The following ATF1 variants were observed in gnomAD, a reference collection of about 807,000 sequenced individuals.
ATF1 encodes activating transcription factor 1.
ATF1 carries 16 observed loss-of-function variants against 34.7 expected under a neutral mutation model. That is an observed-to-expected ratio of 0.46 (90% CI 0.31 to 0.70). ATF1 has a LOEUF of 0.70. ATF1 is among the 30% of genes least tolerant of loss of function. The pLI, the probability that ATF1 is intolerant of heterozygous loss-of-function variation, is 0.05. For synonymous variants in ATF1, 105 were observed against 113.1 expected, an observed-to-expected ratio of 0.93 and a Z score of 0.46; for missense variants, 255 against 321.6, an observed-to-expected ratio of 0.79 and a Z score of 1.58.
At chr12:50,787,584 A>G (rs930803249) in intron 2 of ATF1, among the ~76,000 whole-genome samples, 2 of 146,754 alleles carry the variant, frequency 1.4e-5, no homozygotes, top group African/African-American at 2.5e-5. Flanking sequence ...AATACAAAAG[A>G]AAAAAAAAAA....
chr12:50,768,081 C>T (rs1940683078), intron 1 of ATF1, among the ~76,000 whole-genome samples: 1 of 152,108 alleles, frequency 6.6e-6, no homozygotes, highest in Non-Finnish European at 1.5e-5. Flanking sequence ...TCATATTGGG[C>T]AGGCTGGTCT....
intron 3 of ATF1, among the ~76,000 whole-genome samples, 169 bp from the exon 4 acceptor site, chr12:50,809,285 ACT>A (rs1280683228): frequency 3.4e-5 from 5 of 148,344 alleles, no homozygotes; most frequent in South Asian, 4.2e-4. Flanking sequence ...GGGGCACAAG[ACT>A]CTCTTAAGCC....
chr12:50,806,236 G>A (rs747569342), intron 3 of ATF1: 5 of 180,776 alleles, frequency 2.8e-5, no homozygotes, highest in Non-Finnish European at 5.0e-5. Context: ...CAGACCAAAG[G>A]TCATTTTCAG....
chr12:50,772,696 T>C (rs376772783), intron 1 of ATF1, among the ~76,000 whole-genome samples: 26 of 151,764 alleles, frequency 1.7e-4, no homozygotes, highest in Non-Finnish European at 2.4e-4. Context: ...CTCTCTCTCT[T>C]TTATTTTAAG....
At chr12:50,811,340 C>T (rs947813565) in intron 4 of ATF1, among the ~76,000 whole-genome samples, 3 of 152,136 alleles carry the variant, frequency 2.0e-5, no homozygotes, top group Admixed American at 2.0e-4. Flanking sequence ...TATTCATGAT[C>T]TGTTTTCCCC....
intron 3 of ATF1, among the ~76,000 whole-genome samples, chr12:50,803,098 T>TAA (rs746106904): frequency 0.011 from 1,532 of 141,054 alleles, 30 homozygotes; most frequent in African/African-American, 0.038. Context: ...CCGTCTCTAC[T>TAA]AAAAAAAAAA....
intron 2 of ATF1, among the ~76,000 whole-genome samples, chr12:50,780,564 C>T (rs1230409544): frequency 2.6e-5 from 4 of 151,166 alleles, no homozygotes; most frequent in African/African-American, 7.3e-5. Flanking sequence ...AGGCTGGTCT[C>T]GAACTCCTGA....
At chr12:50,819,399 A>G (rs1326015797) in intron 6 of ATF1, among the ~76,000 whole-genome samples, 1 of 152,182 alleles carries the variant, frequency 6.6e-6, no homozygotes, top group Non-Finnish European at 1.5e-5. Flanking sequence ...AAGGGGCATG[A>G]GGGAACTTTC....
chr12:50,808,453 C>T (rs375977416), intron 3 of ATF1, among the ~76,000 whole-genome samples: 4 of 151,732 alleles, frequency 2.6e-5, no homozygotes, highest in African/African-American at 9.7e-5. Flanking sequence ...CTCAGCCCCC[C>T]GAGTAGCTGG....
Position 50,795,940 on chromosome 12 carries a change from A to G in ATF1, c.125A>G (p.Gln42Arg). The G allele has an allele frequency of 6.2e-7, 1 of 1,613,278 alleles. No individual in the cohort carries two copies. The highest frequency in any genetic ancestry group is 8.5e-7 in the Non-Finnish European group (1 of 1,179,720). The change falls in exon 3 of 7, where the codon CAG (glutamine) becomes CGG (arginine). Residue 42 changes from glutamine to arginine, a missense_variant. Physicochemically the swap from Gln to Arg is conservative, Grantham distance 43. This residue lies in a region of ATF1 where 221 missense variants were observed against 250.7 expected (regional missense o/e 0.88). Transcript: ENST00000262053. ...VSSLSESEESQDSSDSIGSSQ... is the reference protein window; with the variant it reads ...VSSLSESEESRDSSDSIGSSQ... The stretch of plus-strand genomic sequence containing the variant: ...TCTTTATCAGAAAGTGAGGAGTCCC[A>G]GGACTCATCCGACAGCATAGGCTCC...
intron 2 of ATF1, among the ~76,000 whole-genome samples, chr12:50,785,847 G>A (rs1361664326): frequency 6.6e-6 from 1 of 152,176 alleles, no homozygotes; most frequent in East Asian, 1.9e-4. Context: ...TTCAAGTCCA[G>A]CAGGAGAGTG....
At chr12:50,805,544 T>A (rs1941597686) in intron 3 of ATF1, among the ~76,000 whole-genome samples, 1 of 132,346 alleles carries the variant, frequency 7.6e-6, no homozygotes, top group South Asian at 2.3e-4. Context: ...GGTGACAGAG[T>A]GAGACCCTGT....
chr12:50,782,124 T>C (rs1465391631), intron 2 of ATF1, among the ~76,000 whole-genome samples: 1 of 152,174 alleles, frequency 6.6e-6, no homozygotes, highest in Non-Finnish European at 1.5e-5. Context: ...TCTTTTCTAA[T>C]TGCATATCTA....
chr12:50,816,641 C>A (rs971122024), intron 6 of ATF1, among the ~76,000 whole-genome samples: 8 of 152,052 alleles, frequency 5.3e-5, no homozygotes, highest in African/African-American at 1.9e-4. Context: ...ACGTGTAATC[C>A]CAGCATTTTC....
At chr12:50,768,698 G>C (rs2139633809) in intron 1 of ATF1, among the ~76,000 whole-genome samples, 3 of 152,198 alleles carry the variant, frequency 2.0e-5, no homozygotes, top group Admixed American at 2.0e-4. Context: ...CAAATATTTT[G>C]AAAGCAAAAT....
At chr12:50,797,073 A>T (rs1941422427) in intron 3 of ATF1, among the ~76,000 whole-genome samples, 1 of 152,216 alleles carries the variant, frequency 6.6e-6, no homozygotes, top group South Asian at 2.1e-4. Context: ...TACAGCTCTG[A>T]GTAGATTACC....
In ATF1 at chr12:50,772,876, G is replaced by A. The variant is rs564848144; in HGVS notation, c.-6-7264G>A. ...ACAACCCATCACCTAGGTATTAAGC[G>A]CAGCATCCATTAGCTGTTCTTCCTG... On this transcript the variant is annotated intron_variant, in intron 1 of 6. Transcript: ENST00000262053. Among the ~76,000 whole-genome samples the A allele has an allele frequency of 4.7e-4, 71 of 152,090 alleles. 1 individual carries two copies. The highest frequency in any genetic ancestry group is 1.6e-3 in the African/African-American group (67 of 41,474).
Position 50,809,977 on chromosome 12 carries a change from G to T in ATF1, c.328+388G>T, listed in dbSNP as rs1941700647. Among the ~76,000 whole-genome samples the T allele has an allele frequency of 2.0e-5, 3 of 152,116 alleles. No individual in the cohort carries two copies. The South Asian group carries it at 6.2e-4, about 32-fold the overall frequency. On this transcript the variant is annotated intron_variant, in intron 4 of 6. Transcript: ENST00000262053. Reference sequence around the variant, plus strand: ...GCCTCCGGAGTAGCTGGGATTACAGGCGTGTGCCACCACGCCCGGCTAATT... The same window carrying T: ...GCCTCCGGAGTAGCTGGGATTACAGTCGTGTGCCACCACGCCCGGCTAATT...
intron 2 of ATF1, among the ~76,000 whole-genome samples, chr12:50,783,060 TCA>T (rs201810200): frequency 0.028 from 4,179 of 151,728 alleles, 96 homozygotes; most frequent in Non-Finnish European, 0.038. Context: ...GCCATTTCTC[TCA>T]CTAATTTTTT....
Sources: gnomAD v4.1 joint callset for allele counts (sites outside exome capture counted in the v4.1 genomes callset) on GRCh38, gnomAD v4.1.1 for gene constraint, gnomAD v4.1.1 regional missense constraint, MANE v1.5 for transcripts, NCBI Gene and HGNC (gene_info 2026-07-23, HGNC 2026-07-21) for gene names.